NCAM2: variants seen among roughly 807,000 people sequenced by gnomAD.
The protein encoded by NCAM2 is neural cell adhesion molecule 2.
A neutral mutation model predicts 98.1 loss-of-function variants in NCAM2; 30 were observed. That is an observed-to-expected ratio of 0.31 (90% CI 0.23 to 0.41). The LOEUF is 0.41. NCAM2 is among the 10% of genes least tolerant of loss of function. NCAM2 has a pLI of 1.00. For synonymous variants in NCAM2, 368 were observed against 342.4 expected, an observed-to-expected ratio of 1.07 and a Z score of -0.83; for missense variants, 867 against 1,005.8, an observed-to-expected ratio of 0.86 and a Z score of 1.87.
chr21:21,381,718 G>A (rs2076157618), intron 9 of NCAM2, among the ~76,000 whole-genome samples: 1 of 151,884 alleles, frequency 6.6e-6, no homozygotes, highest in African/African-American at 2.4e-5. Flanking sequence ...ATCCCATCAG[G>A]AATTAAGATA....
At chr21:21,225,790 A>C (rs904310547) in intron 1 of NCAM2, among the ~76,000 whole-genome samples, 1 of 152,074 alleles carries the variant, frequency 6.6e-6, no homozygotes, top group African/African-American at 2.4e-5. Flanking sequence ...AGTGTGGCCA[A>C]CACACCAAAG....
At chr21:21,073,035 G>C (rs1470027239) in intron 1 of NCAM2, among the ~76,000 whole-genome samples, 1 of 151,992 alleles carries the variant, frequency 6.6e-6, no homozygotes, top group African/African-American at 2.4e-5. Context: ...TCTGAATTTG[G>C]CTGCTCTGTG....
At chr21:21,387,039 A>C (rs2076283376) in intron 9 of NCAM2, among the ~76,000 whole-genome samples, 1 of 152,116 alleles carries the variant, frequency 6.6e-6, no homozygotes, top group African/African-American at 2.4e-5. Context: ...AATAGCACAG[A>C]TAGGGTGGGT....
intron 16 of NCAM2, among the ~76,000 whole-genome samples, chr21:21,530,157 GATTTAATTTA>G (rs1402340044): frequency 1.5e-4 from 19 of 124,236 alleles, no homozygotes; most frequent in Admixed American, 8.3e-4. Context: ...AATTATATAT[GATTTAATTTA>G]ATTTAATTAT....
intron 1 of NCAM2, among the ~76,000 whole-genome samples, chr21:21,073,744 T>TCCAGTTTAGAAACAG (rs2065621745): frequency 6.6e-6 from 1 of 152,196 alleles, no homozygotes; most frequent in South Asian, 2.1e-4. Flanking sequence ...TCCAGTCCAG[T>TCCAGTTTAGAAACAG]TTTAGAAACA....
At chr21:21,121,871 C>A (rs1378038769) in intron 1 of NCAM2, among the ~76,000 whole-genome samples, 1 of 152,102 alleles carries the variant, frequency 6.6e-6, no homozygotes, top group East Asian at 1.9e-4. Flanking sequence ...CAGCCGAAGG[C>A]TCTAGATCTA....
chr21:21,494,228 C>T (rs538773317), intron 15 of NCAM2, among the ~76,000 whole-genome samples: 21 of 151,688 alleles, frequency 1.4e-4, no homozygotes, highest in East Asian at 5.8e-4. Context: ...TTTGGACTTT[C>T]GAAAACAAAT....
intron 10 of NCAM2, among the ~76,000 whole-genome samples, chr21:21,417,712 A>G (rs1300050236): frequency 6.6e-6 from 1 of 152,050 alleles, no homozygotes; most frequent in Non-Finnish European, 1.5e-5. Context: ...TTAATTATGG[A>G]TTTCAAATGT....
At chr21:21,392,968 T>C (rs1004831602) in intron 9 of NCAM2, among the ~76,000 whole-genome samples, 1 of 152,176 alleles carries the variant, frequency 6.6e-6, no homozygotes, top group African/African-American at 2.4e-5. Flanking sequence ...ACCCCGTCAA[T>C]TTTTCCTTTT....
At chr21:21,053,138 A>AT (rs199623821) in intron 1 of NCAM2, among the ~76,000 whole-genome samples, 9,070 of 152,194 alleles carry the variant, frequency 0.06, 278 homozygotes, top group East Asian at 0.096. Flanking sequence ...CTATGGAATT[A>AT]AGTATTATGG....
At chr21:21,016,757 T>C (rs1051482185) in intron 1 of NCAM2, among the ~76,000 whole-genome samples, 2 of 152,132 alleles carry the variant, frequency 1.3e-5, no homozygotes, top group Non-Finnish European at 2.9e-5. Context: ...AAAAAGGTTT[T>C]ACAAATAAGG....
At chr21:21,249,523 T>G (rs1265903159) in intron 1 of NCAM2, among the ~76,000 whole-genome samples, 3 of 152,182 alleles carry the variant, frequency 2.0e-5, no homozygotes, top group African/African-American at 7.2e-5. Flanking sequence ...TTCTGAAATT[T>G]GGATGTGTCT....
intron 8 of NCAM2, among the ~76,000 whole-genome samples, chr21:21,363,616 T>A (rs571725950): frequency 6.6e-6 from 1 of 152,274 alleles, no homozygotes; most frequent in East Asian, 1.9e-4. Flanking sequence ...TTATTAATCA[T>A]CTGGTGATTG....
At chr21:21,211,678 CA>C (rs1297619438) in intron 1 of NCAM2, among the ~76,000 whole-genome samples, 7 of 152,248 alleles carry the variant, frequency 4.6e-5, no homozygotes, top group African/African-American at 1.7e-4. Context: ...CAGCTTGGTC[CA>C]ACATTGAAGT....
At chr21:21,343,180 A>G (rs745477010) in intron 8 of NCAM2, among the ~76,000 whole-genome samples, 2 of 152,202 alleles carry the variant, frequency 1.3e-5, no homozygotes, top group African/African-American at 2.4e-5. Context: ...GGTTTTTGTT[A>G]AAATACATAT....
At chr21:21,151,775 G>A (rs188730953) in intron 1 of NCAM2, among the ~76,000 whole-genome samples, 14 of 152,018 alleles carry the variant, frequency 9.2e-5, no homozygotes, top group African/African-American at 3.4e-4. Context: ...ACATGCTTAT[G>A]TTTTTAAATC....
At chr21:21,440,410 A>C (rs2146076687) in intron 12 of NCAM2, among the ~76,000 whole-genome samples, 1 of 152,268 alleles carries the variant, frequency 6.6e-6, no homozygotes, top group African/African-American at 2.4e-5. Flanking sequence ...GGCCTGGCAC[A>C]GTGGCTCATG....
intron 1 of NCAM2, among the ~76,000 whole-genome samples, chr21:21,193,832 G>A (rs967229059): frequency 2.0e-5 from 3 of 151,890 alleles, no homozygotes; most frequent in African/African-American, 7.3e-5. Context: ...CAGTTCTATT[G>A]AGAAATTCCC....
chr21:21,126,291 C>T (rs1262879039), intron 1 of NCAM2, among the ~76,000 whole-genome samples: 3 of 145,900 alleles, frequency 2.1e-5, no homozygotes, highest in Non-Finnish European at 4.5e-5. Context: ...TTAGCGTAAC[C>T]TAGTGAAAAC....
Sources: allele counts gnomAD v4.1 joint callset (sites outside exome capture counted in the v4.1 genomes callset), GRCh38; gene constraint gnomAD v4.1.1; transcripts MANE v1.5; gene names NCBI Gene and HGNC (gene_info 2026-07-23, HGNC 2026-07-21).